The following NAALADL2 variants were observed in gnomAD, a reference collection of about 807,000 sequenced individuals.
NAALADL2 encodes inactive N-acetylated-alpha-linked acidic dipeptidase-like protein 2.
A neutral mutation model predicts 87.2 loss-of-function variants in NAALADL2; 76 were observed. The ratio of observed to expected loss-of-function variants is 0.87; its 90% CI spans 0.72 to 1.05. The LOEUF is 1.05. Among genes scored for constraint, NAALADL2 ranks in the 50% least tolerant of loss-of-function variants. The pLI is 0.00. For missense variants in NAALADL2, 1,089 were observed against 945.8 expected, an observed-to-expected ratio of 1.15 and a Z score of -1.99; for synonymous variants, 354 against 331.0, an observed-to-expected ratio of 1.07 and a Z score of -0.75.
intron 7 of NAALADL2, among the ~76,000 whole-genome samples, chr3:175,465,728 C>T (rs113076831): frequency 0.018 from 2,724 of 152,224 alleles, 88 homozygotes; most frequent in African/African-American, 0.06. Context: ...GTCTCGGCCT[C>T]CCAAAATACC....
chr3:174,700,234 T>G (rs1174768870), intron 2 of NAALADL2, among the ~76,000 whole-genome samples: 4 of 151,408 alleles, frequency 2.6e-5, no homozygotes, highest in Non-Finnish European at 5.9e-5. Flanking sequence ...CCACAGTTTT[T>G]TTTTTTTTTT....
chr3:175,011,292 GA>G (rs1560472407), intron 1 of NAALADL2, among the ~76,000 whole-genome samples: 9 of 150,600 alleles, frequency 6.0e-5, no homozygotes, highest in Non-Finnish European at 1.2e-4. Context: ...GAGAGAGAGA[GA>G]GAGAGAGAGA....
intron 3 of NAALADL2, among the ~76,000 whole-genome samples, chr3:174,810,958 C>G (rs1399129923): frequency 6.6e-6 from 1 of 152,170 alleles, no homozygotes; most frequent in East Asian, 1.9e-4. Context: ...TGCTGTAGCT[C>G]CAGCCCAGGT....
chr3:175,613,645 A>G (rs1448022277), intron 10 of NAALADL2, among the ~76,000 whole-genome samples: 1 of 152,198 alleles, frequency 6.6e-6, no homozygotes, highest in East Asian at 1.9e-4. Flanking sequence ...AGTATAGACA[A>G]TGTATTTTCA....
chr3:174,849,007 C>A (rs1724943280), intron 3 of NAALADL2, among the ~76,000 whole-genome samples: 1 of 151,992 alleles, frequency 6.6e-6, no homozygotes, highest in Non-Finnish European at 1.5e-5. Flanking sequence ...TTCAACATAT[C>A]TAAACATGGA....
At chr3:174,891,979 A>G (rs1730911346) in intron 1 of NAALADL2, among the ~76,000 whole-genome samples, 1 of 152,174 alleles carries the variant, frequency 6.6e-6, no homozygotes, top group Non-Finnish European at 1.5e-5. Flanking sequence ...ACAACAAGGT[A>G]TCTCTACAAC....
At chr3:175,665,872 A>G (rs1732899193) in intron 11 of NAALADL2, among the ~76,000 whole-genome samples, 1 of 152,132 alleles carries the variant, frequency 6.6e-6, no homozygotes, top group South Asian at 2.1e-4. Context: ...CGGACGTTGC[A>G]GTGAGCCAAG....
intron 10 of NAALADL2, among the ~76,000 whole-genome samples, chr3:175,609,191 T>TGA (rs1460025051): frequency 6.6e-6 from 1 of 151,950 alleles, no homozygotes. Flanking sequence ...TTTGGCCTCA[T>TGA]CATCACAATT....
intron 9 of NAALADL2, among the ~76,000 whole-genome samples, chr3:175,484,465 A>C (rs1726959574): frequency 6.6e-6 from 1 of 152,160 alleles, no homozygotes; most frequent in Non-Finnish European, 1.5e-5. Context: ...TAAGTATGCT[A>C]TATAGTCATT....
intron 2 of NAALADL2, among the ~76,000 whole-genome samples, chr3:174,664,505 C>T (rs1725788202): frequency 6.6e-6 from 1 of 152,086 alleles, no homozygotes; most frequent in Non-Finnish European, 1.5e-5. Context: ...TCACTACTAG[C>T]ATCAATGGAT....
chr3:175,583,306 C>T (rs1279038104), intron 10 of NAALADL2, among the ~76,000 whole-genome samples: 1 of 152,124 alleles, frequency 6.6e-6, no homozygotes. Flanking sequence ...TTCACACCAT[C>T]ATAAAGTGGA....
intron 2 of NAALADL2, among the ~76,000 whole-genome samples, chr3:174,596,488 GGTTT>G (rs1717920529): frequency 6.6e-6 from 1 of 152,100 alleles, no homozygotes; most frequent in Admixed American, 6.5e-5. Context: ...CCACTTGGAG[GGTTT>G]GTTGAATCAG....
intron 9 of NAALADL2, among the ~76,000 whole-genome samples, chr3:175,494,397 A>G (rs969476404): frequency 6.6e-5 from 10 of 152,116 alleles, no homozygotes; most frequent in African/African-American, 2.2e-4. Flanking sequence ...ATTTAACACT[A>G]TGGGAATCTT....
chr3:174,848,206 G>A (rs1724856711), intron 3 of NAALADL2, among the ~76,000 whole-genome samples: 2 of 151,854 alleles, frequency 1.3e-5, no homozygotes, highest in Admixed American at 6.6e-5. Flanking sequence ...GACATGTAAT[G>A]CCAACATTCA....
chr3:175,374,680 C>A (rs1309444262), intron 5 of NAALADL2, among the ~76,000 whole-genome samples: 1 of 150,582 alleles, frequency 6.6e-6, no homozygotes, highest in African/African-American at 2.4e-5. Flanking sequence ...TGAGACCAGC[C>A]TGGGCAACAT....
chr3:175,455,523 C>T (rs1722200069), intron 6 of NAALADL2, among the ~76,000 whole-genome samples: 1 of 151,908 alleles, frequency 6.6e-6, no homozygotes, highest in African/African-American at 2.4e-5. Context: ...AAAATGTCTT[C>T]CTAGTTACAT....
At chr3:175,650,027 A>G (rs1730539195) in intron 11 of NAALADL2, among the ~76,000 whole-genome samples, 1 of 148,890 alleles carries the variant, frequency 6.7e-6, no homozygotes, top group Non-Finnish European at 1.5e-5. Flanking sequence ...TCAAATATTC[A>G]TAGCAGCATT....
intron 1 of NAALADL2, among the ~76,000 whole-genome samples, chr3:174,954,231 G>T (rs933424703): frequency 2.2e-4 from 33 of 152,162 alleles, no homozygotes; most frequent in Non-Finnish European, 1.0e-4. Flanking sequence ...AATGTTTGGG[G>T]TATTTTAATT....
intron 2 of NAALADL2, chr3:174,631,874 G>A (rs1043847339): frequency 3.3e-5 from 5 of 152,166 alleles, no homozygotes; most frequent in Admixed American, 6.5e-5. Context: ...GATTTCCAGG[G>A]TTGATGCAGA....
Sources: gnomAD v4.1 joint callset for allele counts (sites outside exome capture counted in the v4.1 genomes callset) on GRCh38, gnomAD v4.1.1 for gene constraint, MANE v1.5 for transcripts, NCBI Gene and HGNC (gene_info 2026-07-23, HGNC 2026-07-21) for gene names.